The following NLN variants were observed in gnomAD, a reference collection of about 807,000 sequenced individuals.
NLN encodes neurolysin, also known as neurolysin, mitochondrial.
Under a neutral mutation model 79.9 loss-of-function variants are expected in NLN, and 64 were observed. The ratio of observed to expected loss-of-function variants is 0.80; its 90% CI spans 0.65 to 0.99. NLN has a LOEUF of 0.99. NLN is among the 50% of genes least tolerant of loss of function. The pLI, the probability that NLN is intolerant of heterozygous loss-of-function variation, is 0.00. For synonymous variants in NLN, 267 were observed against 296.6 expected, an observed-to-expected ratio of 0.90 and a Z score of 1.02; for missense variants, 835 against 858.7, an observed-to-expected ratio of 0.97 and a Z score of 0.34.
intron 6 of NLN, 102 bp downstream of exon 6, chr5:65,781,523 C>A: frequency 2.4e-6 from 2 of 826,510 alleles, no homozygotes; most frequent in East Asian, 2.5e-5. Context: ...ACTGATATTC[C>A]TGTGTGTGCA....
intron 3 of NLN, among the ~76,000 whole-genome samples, chr5:65,767,012 G>A (rs1365085834): frequency 6.6e-6 from 1 of 152,342 alleles, no homozygotes; most frequent in Non-Finnish European, 1.5e-5. Flanking sequence ...AACCCCTGTA[G>A]CTGCTTTCAC....
chr5:65,769,568 A>G (rs1427490389), intron 3 of NLN, among the ~76,000 whole-genome samples: 2 of 152,228 alleles, frequency 1.3e-5, no homozygotes, highest in Non-Finnish European at 2.9e-5. Context: ...CCTTCAAAAC[A>G]AATAATTTGT....
intron 7 of NLN, among the ~76,000 whole-genome samples, chr5:65,787,046 C>G (rs1247074848): frequency 6.6e-6 from 1 of 152,118 alleles, no homozygotes; most frequent in African/African-American, 2.4e-5. Context: ...ATTGCATACA[C>G]TAAAATTTTC....
intron 1 of NLN, among the ~76,000 whole-genome samples, chr5:65,739,173 G>A (rs1758818989): frequency 6.6e-6 from 1 of 151,112 alleles, no homozygotes; most frequent in African/African-American, 2.4e-5. Context: ...AAAGTGCTGG[G>A]ATTACAGACA....
rs1379827844 is a variant in NLN, at chr5:65,821,337, T to A, written c.1981-1444T>A. On this transcript the variant is annotated intron_variant, in intron 12 of 12. Transcript: ENST00000380985. Reference sequence around the variant, plus strand: ...CTCTGGGCCCTAGACCTGTCCAGTATGGTAGCCACGTGTAGCTGTTGAGCG... The same window carrying A: ...CTCTGGGCCCTAGACCTGTCCAGTAAGGTAGCCACGTGTAGCTGTTGAGCG... 2.6e-5 allele frequency among the ~76,000 whole-genome samples: 4 copies of A among 152,202 alleles called. No homozygotes were observed. The East Asian group carries it at 7.7e-4, about 29-fold the overall frequency.
intron 1 of NLN, among the ~76,000 whole-genome samples, chr5:65,747,452 G>A (rs1759006276): frequency 6.6e-6 from 1 of 152,212 alleles, no homozygotes; most frequent in African/African-American, 2.4e-5. Context: ...GTCCTGAGCA[G>A]AGGTTTTTAA....
chr5:65,781,815 T>C (rs1191607325), intron 6 of NLN, among the ~76,000 whole-genome samples: 1 of 152,184 alleles, frequency 6.6e-6, no homozygotes, highest in African/African-American at 2.4e-5. Context: ...GAGGACCCTT[T>C]TTTCCTTACA....
chr5:65,742,971 T>TA (rs1278237169), intron 1 of NLN, among the ~76,000 whole-genome samples: 1 of 152,226 alleles, frequency 6.6e-6, no homozygotes, highest in Admixed American at 6.5e-5. Flanking sequence ...CACTTTCCTA[T>TA]ACTCATTGAT....
intron 9 of NLN, chr5:65,792,933 T>C: frequency 2.2e-6 from 1 of 463,268 alleles, no homozygotes; most frequent in Non-Finnish European, 4.1e-6. Flanking sequence ...ATACTTTGCT[T>C]TTTCCTTTTA....
chr5:65,810,005 C>T, intron 10 of NLN, 32 bp from the exon 11 acceptor site: 1 of 1,609,882 alleles, frequency 6.2e-7, no homozygotes, highest in Non-Finnish European at 8.5e-7. Context: ...CTGTCTTCTT[C>T]AAAACATGCC....
chr5:65,810,068 C>T lies in NLN; in HGVS notation c.1746C>T (p.Ser582=). ...GLLTLRQIVL[S]KVDQSLHTNT... Reference sequence around the variant, plus strand: ...TGACCCTGCGCCAGATTGTTTTGAGCAAAGTTGATCAGTCTCTTCATACCA... The same window carrying T: ...TGACCCTGCGCCAGATTGTTTTGAGTAAAGTTGATCAGTCTCTTCATACCA... Residue 582 remains serine, a synonymous_variant, in exon 11 of 13, where the codon AGC becomes AGT. Coordinates refer to ENST00000380985, the MANE Select transcript of NLN (RefSeq NM_020726.5). The T allele has an allele frequency of 1.9e-6, 3 of 1,614,012 alleles. No homozygotes were observed. Among genetic ancestry groups the T allele is most frequent in the Non-Finnish European group, 2.5e-6 (3 of 1,179,926 alleles).
At chr5:65,777,218 C>A (rs1759698814) in intron 3 of NLN, among the ~76,000 whole-genome samples, 1 of 152,178 alleles carries the variant, frequency 6.6e-6, no homozygotes, top group Admixed American at 6.5e-5. Context: ...TTCTAGTTAG[C>A]TTTTTATTTA....
chr5:65,823,512 T>C lies in NLN; in HGVS notation c.*597T>C, dbSNP rs1024923765. ...TTCTGCCACACTTAAATTACGTTCC[T>C]CCATTTCAGTTTTGTCTTTTCTGTC... On this transcript the variant is annotated 3_prime_UTR_variant, in exon 13 of 13. Transcript: ENST00000380985. The C allele has an allele frequency of 1.3e-5, 2 of 152,258 alleles. No homozygotes were observed. Among genetic ancestry groups the C allele is most frequent in the Non-Finnish European group, 2.9e-5 (2 of 68,084 alleles). 9.4% of individuals were successfully genotyped at this position (152,258 alleles called of 1,614,324 possible).
intron 3 of NLN, among the ~76,000 whole-genome samples, chr5:65,765,929 A>T (rs999175043): frequency 6.6e-6 from 1 of 152,220 alleles, no homozygotes; most frequent in African/African-American, 2.4e-5. Context: ...ACTTAAAATT[A>T]ATACATAGAA....
rs1315756130 is a variant in NLN at position 65,823,144 on chromosome 5, A to T, written c.*229A>T. On this transcript the variant is annotated 3_prime_UTR_variant, in exon 13 of 13. Transcript: ENST00000380985. ...GTACTATAAAATTTCATAAAACTGG[A>T]TTTGATTTCTTTTTATGAAAGTTTC... The T allele has an allele frequency of 2.0e-5, 8 of 408,966 alleles. No homozygotes were observed. The highest frequency in any genetic ancestry group is 1.7e-4 in the African/African-American group (8 of 48,380). 25.3% of individuals were successfully genotyped at this position (408,966 alleles called of 1,614,324 possible).
At chr5:65,742,809 T>C (rs943187600) in intron 1 of NLN, among the ~76,000 whole-genome samples, 3 of 152,238 alleles carry the variant, frequency 2.0e-5, no homozygotes, top group African/African-American at 7.2e-5. Context: ...CAAAGTCTCT[T>C]TATGACGTGT....
chr5:65,723,849 A>G (rs913727659), intron 1 of NLN, among the ~76,000 whole-genome samples: 1 of 149,988 alleles, frequency 6.7e-6, no homozygotes, highest in Admixed American at 6.7e-5. Context: ...ACAATTCTCA[A>G]ACTTTTTATT....
intron 6 of NLN, among the ~76,000 whole-genome samples, chr5:65,783,255 G>A (rs1259769785): frequency 1.3e-5 from 2 of 152,076 alleles, no homozygotes; most frequent in Non-Finnish European, 2.9e-5. Context: ...TATTATTGCC[G>A]TTGAATTTTA....
intron 3 of NLN, among the ~76,000 whole-genome samples, chr5:65,767,293 C>T (rs1322324434): frequency 6.6e-6 from 1 of 152,188 alleles, no homozygotes; most frequent in Admixed American, 6.5e-5. Context: ...GTTCACAAAG[C>T]TCAGTTTTTG....
Sources: gnomAD v4.1 joint callset for allele counts (sites outside exome capture counted in the v4.1 genomes callset) on GRCh38, gnomAD v4.1.1 for gene constraint, MANE v1.5 for transcripts, NCBI Gene and HGNC (gene_info 2026-07-23, HGNC 2026-07-21) for gene names.